Variants in TOX3 observed in about 807,000 individuals in gnomAD.
TOX3 encodes the protein TOX high mobility group box family member 3.
TOX3 carries 22 observed loss-of-function variants against 64.3 expected under a neutral mutation model. The ratio of observed to expected loss-of-function variants is 0.34; its 90% confidence interval spans 0.24 to 0.49. The LOEUF is 0.49. Ranked by LOEUF, TOX3 falls within the 20% of genes least tolerant of loss-of-function variation. The pLI is 0.99. For synonymous variants in TOX3, 291 were observed against 273.6 expected (o/e 1.06, Z -0.63); for missense variants, 661 against 714.4 (o/e 0.93, Z 0.85).
chr16:52,470,206 A>G (rs1411291609), intron 1 of TOX3, among the ~76,000 whole-genome samples: 1 of 152,200 alleles, frequency 6.6e-6, no homozygotes, highest in Admixed American at 6.5e-5. Flanking sequence ...TTTATTTTCT[A>G]TCATGAAATT....
intron 1 of TOX3, among the ~76,000 whole-genome samples, chr16:52,514,011 C>A (rs567520053): frequency 6.6e-6 from 1 of 152,246 alleles, no homozygotes; most frequent in South Asian, 2.1e-4. Context: ...AATATTTGTA[C>A]AGAAAGAAGT....
chr16:52,506,531 C>A (rs1485163261), intron 1 of TOX3, among the ~76,000 whole-genome samples: 1 of 152,110 alleles, frequency 6.6e-6, no homozygotes, highest in Non-Finnish European at 1.5e-5. Context: ...GGATTCTTGG[C>A]CCTTCTTTTA....
chr16:52,488,348 G>T (rs1285898733), intron 1 of TOX3, among the ~76,000 whole-genome samples: 1 of 152,106 alleles, frequency 6.6e-6, no homozygotes, highest in Non-Finnish European at 1.5e-5. Flanking sequence ...AATGTCCAGA[G>T]CTCTTCCTTT....
At position 52,468,439 on chromosome 16, in the gene TOX3, C is replaced by T. The variant is rs943926165; in HGVS notation, c.153+70G>A. On this transcript the variant is annotated intron_variant, in intron 2 of 6. Coordinates refer to ENST00000219746, the MANE Select transcript of TOX3 (RefSeq NM_001080430.4). ...GAGATAAATTTGATACTTTGTTTTT[C>T]CCTTCAAGCCTATTAAATTATCTCA... 1.7e-5 allele frequency: 23 copies of T among 1,364,660 alleles called. 1 individual carries two copies. In the Admixed American group the frequency reaches 3.2e-4, roughly 19 times the overall value. The allele number at this position is 1,364,660 out of a possible 1,614,324, so 84.5% of individuals were successfully genotyped here.
rs1204057290 is a variant in TOX3, at chr16:52,436,482, T to C, written c.*2743A>G. Among the ~76,000 whole-genome samples, 2 of 152,148 alleles carry C rather than the reference T, an allele frequency of 1.3e-5. No homozygotes were observed. The highest frequency in any genetic ancestry group is 2.9e-5 in the Non-Finnish European group (2 of 68,030). ...AGAAAAAGCGCACCAAGTACTTACT[T>C]AAGTCTCAGGAATAGAAACCAGTCA... On this transcript the variant is annotated 3_prime_UTR_variant, in exon 7 of 7. Coordinates refer to ENST00000219746, the MANE Select transcript of TOX3 (RefSeq NM_001080430.4).
intron 1 of TOX3, among the ~76,000 whole-genome samples, chr16:52,529,880 C>T (rs560817218): frequency 6.6e-6 from 1 of 152,076 alleles, no homozygotes; most frequent in Non-Finnish European, 1.5e-5. Context: ...ACTCATAATC[C>T]TCTCAATACA....
intron 1 of TOX3, among the ~76,000 whole-genome samples, chr16:52,532,149 T>G (rs1352809121): frequency 6.6e-6 from 1 of 151,976 alleles, no homozygotes; most frequent in Non-Finnish European, 1.5e-5. Flanking sequence ...GAGATGAGGA[T>G]TTGAGACCCT....
intron 2 of TOX3, among the ~76,000 whole-genome samples, chr16:52,465,693 C>T (rs1960844806): frequency 6.6e-6 from 1 of 151,542 alleles, no homozygotes; most frequent in Admixed American, 6.6e-5. Flanking sequence ...AATGTAATGA[C>T]CACTTGAGGG....
At chr16:52,528,737 C>T (rs1962782246) in intron 1 of TOX3, among the ~76,000 whole-genome samples, 1 of 152,178 alleles carries the variant, frequency 6.6e-6, no homozygotes, top group Admixed American at 6.5e-5. Flanking sequence ...ACTGATTAAA[C>T]AAACCAGTGA....
Position 52,520,863 on chromosome 16 carries a change from T to C in TOX3, c.87+25774A>G, listed in dbSNP as rs566203949. 3.3e-5 allele frequency among the ~76,000 whole-genome samples: 5 copies of C among 152,346 alleles called. No homozygotes were observed. The South Asian group carries it at 1.0e-3, about 32-fold the overall frequency. ...AGAATTTGGAATTATGGCTAAGGTA[T>C]AGTATTGTGAGCCTTTATTTTTCTT... On this transcript the variant is annotated intron_variant, in intron 1 of 6. Transcript: ENST00000219746.
At chr16:52,478,716 G>A (rs1026310339) in intron 1 of TOX3, among the ~76,000 whole-genome samples, 1 of 152,106 alleles carries the variant, frequency 6.6e-6, no homozygotes, top group Non-Finnish European at 1.5e-5. Context: ...CTTACAAGCT[G>A]GGTATCATCA....
intron 1 of TOX3, among the ~76,000 whole-genome samples, chr16:52,479,850 T>A (rs141155089): frequency 6.6e-6 from 1 of 152,332 alleles, no homozygotes; most frequent in Non-Finnish European, 1.5e-5. Context: ...GGCACTTTAG[T>A]GTGAATTCGT....
chr16:52,463,387 T>C (rs564654231), intron 3 of TOX3, among the ~76,000 whole-genome samples: 50 of 152,326 alleles, frequency 3.3e-4, no homozygotes, highest in Non-Finnish European at 4.7e-4. Context: ...TTAATCGATG[T>C]TTATGACAAT....
At chr16:52,536,764 C>T (rs1021448105) in intron 1 of TOX3, among the ~76,000 whole-genome samples, 1 of 148,616 alleles carries the variant, frequency 6.7e-6, no homozygotes, top group Non-Finnish European at 1.5e-5. Flanking sequence ...AATCCACTGG[C>T]CCTTTTCCTT....
intron 1 of TOX3, among the ~76,000 whole-genome samples, chr16:52,509,335 T>C (rs1330182207): frequency 3.9e-5 from 6 of 152,242 alleles, no homozygotes. Flanking sequence ...ATTCCAAGTC[T>C]GTCAGTGTGC....
chr16:52,479,221 A>G (rs2151447618), intron 1 of TOX3, among the ~76,000 whole-genome samples: 1 of 152,314 alleles, frequency 6.6e-6, no homozygotes, highest in South Asian at 2.1e-4. Flanking sequence ...ACTTTGGTAG[A>G]TAAAACTACT....
chr16:52,446,854 A>C (rs957754371), intron 4 of TOX3, among the ~76,000 whole-genome samples: 3 of 152,238 alleles, frequency 2.0e-5, no homozygotes, highest in Non-Finnish European at 4.4e-5. Context: ...AAAAATGTCA[A>C]AACTACTTTA....
intron 1 of TOX3, among the ~76,000 whole-genome samples, chr16:52,544,541 G>T (rs906958613): frequency 3.3e-5 from 5 of 152,188 alleles, no homozygotes; most frequent in African/African-American, 1.2e-4. Context: ...TGGGTACACA[G>T]AGCACTGATG....
intron 1 of TOX3, among the ~76,000 whole-genome samples, chr16:52,526,891 T>C (rs912649585): frequency 2.0e-5 from 3 of 152,244 alleles, no homozygotes; most frequent in South Asian, 4.1e-4. Flanking sequence ...ATGAAATCTT[T>C]AAGCAAAGAA....
Sources: gnomAD v4.1 joint callset for allele counts (sites outside exome capture counted in the v4.1 genomes callset) on GRCh38, gnomAD v4.1.1 for gene constraint, MANE v1.5 for transcripts, NCBI Gene and HGNC (gene_info 2026-07-23, HGNC 2026-07-21) for gene names.